INPP4B: variants seen among roughly 807,000 people sequenced by gnomAD.
INPP4B encodes the protein inositol polyphosphate 4-phosphatase type II.
A neutral mutation model predicts 122.5 loss-of-function variants in INPP4B; 55 were observed. That is an observed-to-expected ratio of 0.45 (90% CI 0.36 to 0.56). The LOEUF is 0.56. Ranked by LOEUF, INPP4B falls within the 20% of genes least tolerant of loss-of-function variation. The probability of loss-of-function intolerance (pLI) is 0.00; values close to 1 mark genes in which losing one functional copy is unlikely to be tolerated. For missense variants in INPP4B, 1,000 were observed against 1,097.7 expected, an observed-to-expected ratio of 0.91 and a Z score of 1.26; for synonymous variants, 403 against 388.7, an observed-to-expected ratio of 1.04 and a Z score of -0.43.
At chr4:142,033,648 C>G (rs933627906) in intron 25 of INPP4B, among the ~76,000 whole-genome samples, 41 of 149,260 alleles carry the variant, frequency 2.7e-4, no homozygotes, top group African/African-American at 1.0e-3. Flanking sequence ...TTTTTATCTC[C>G]TAAGTAAGTT....
chr4:142,829,523 G>T (rs1045593338), intron 1 of INPP4B, among the ~76,000 whole-genome samples: 3 of 152,028 alleles, frequency 2.0e-5, no homozygotes, highest in Non-Finnish European at 4.4e-5. Flanking sequence ...TTGTGTTGAT[G>T]CTATTCCTGA....
intron 21 of INPP4B, among the ~76,000 whole-genome samples, chr4:142,119,796 TACACACAC>T (rs34897089): frequency 2.2e-4 from 32 of 148,522 alleles, no homozygotes; most frequent in Non-Finnish European, 2.5e-4. Context: ...AAAGTATATA[TACACACAC>T]ACACACACAC....
chr4:142,109,266 T>C (rs1238190970), intron 22 of INPP4B, among the ~76,000 whole-genome samples: 1 of 152,180 alleles, frequency 6.6e-6, no homozygotes, highest in Non-Finnish European at 1.5e-5. Context: ...TCCAGTTTAC[T>C]TTCTGGACCC....
intron 2 of INPP4B, among the ~76,000 whole-genome samples, chr4:142,591,610 AG>A (rs1313685737): frequency 6.6e-6 from 1 of 152,128 alleles, no homozygotes; most frequent in Non-Finnish European, 1.5e-5. Context: ...CCTTCCAAAA[AG>A]CACTATGGCA....
intron 25 of INPP4B, among the ~76,000 whole-genome samples, chr4:142,079,096 TTTA>T (rs1372858739): frequency 1.3e-5 from 2 of 152,040 alleles, no homozygotes; most frequent in Non-Finnish European, 2.9e-5. Context: ...GACATGTTGT[TTTA>T]TTATAAAATT....
chr4:142,671,058 A>T (rs981676939), intron 2 of INPP4B, among the ~76,000 whole-genome samples: 6 of 152,142 alleles, frequency 3.9e-5, no homozygotes, highest in African/African-American at 1.4e-4. Context: ...CTAGCTCTTA[A>T]ATTTTGCCCA....
chr4:142,355,500 C>G (rs1783296987), intron 7 of INPP4B, among the ~76,000 whole-genome samples: 1 of 151,966 alleles, frequency 6.6e-6, no homozygotes, highest in Non-Finnish European at 1.5e-5. Context: ...TATACAATTT[C>G]TACATCATAA....
chr4:142,040,036 TG>T (rs148634792), intron 25 of INPP4B, among the ~76,000 whole-genome samples: 1,836 of 151,500 alleles, frequency 0.012, 46 homozygotes, highest in African/African-American at 0.042. Flanking sequence ...CATTGCGGGT[TG>T]GGGGGGTAAT....
rs114935226 is a variant in INPP4B at position 142,613,096 on chromosome 4, C to G, written c.-191+112743G>C. Among the ~76,000 whole-genome samples the G allele has an allele frequency of 1.4e-4, 21 of 152,036 alleles. 1 individual carries two copies. Among genetic ancestry groups the G allele is most frequent in the African/African-American group, 4.6e-4 (19 of 41,384 alleles). ...GAGATCCGGCTGCTGCTTTGTACCA[C>G]GAGGGAGCAGACCCATGTTGAGAAC... On this transcript the variant is annotated intron_variant, in intron 2 of 25. Transcript: ENST00000262992.
At chr4:142,337,523 TAATA>T (rs1223238447) in intron 7 of INPP4B, among the ~76,000 whole-genome samples, 3 of 151,256 alleles carry the variant, frequency 2.0e-5, no homozygotes, top group Non-Finnish European at 2.9e-5. Context: ...TATTATTAAT[TAATA>T]ATTATCTGAT....
In INPP4B at chr4:142,270,514, C is replaced by A. The variant is rs148233913; in HGVS notation, c.615+149G>T. 9.4e-4 allele frequency: 598 copies of A among 635,818 alleles called. 3 individuals are homozygous for A. The African/African-American group carries it at 9.7e-3, about 10-fold the overall frequency. 39.4% of individuals were successfully genotyped at this position (635,818 alleles called of 1,614,324 possible). A position where few individuals can be genotyped will look rare whatever the true frequency, so the allele number is the denominator to read the frequency against. ...GCCCTTTGATTCAGAGGCTGAAACA[C>A]ACATATTGTATTCCAATTTCAGAGC... On this transcript the variant is annotated intron_variant, in intron 10 of 25. Transcript: ENST00000262992.
rs187015332 is a variant in INPP4B, at chr4:142,432,089, C to T, written c.-126-704G>A. Among the ~76,000 whole-genome samples, 21 of 152,128 alleles carry T rather than the reference C, an allele frequency of 1.4e-4. No individual in the cohort carries two copies. In the East Asian group the frequency reaches 3.7e-3, roughly 27 times the overall value. ...AGAAAGACTCTCCAAGAACTTAATA[C>T]CCTGTCATACAGACAGCCTCAAATA... On this transcript the variant is annotated intron_variant, in intron 3 of 25. Transcript: ENST00000262992.
chr4:142,029,653 G>A lies in INPP4B; in HGVS notation c.2643-739C>T, dbSNP rs148406256. 8 of 985,232 alleles carry A rather than the reference G, an allele frequency of 8.1e-6. No individual in the cohort carries two copies. In the African/African-American group the frequency reaches 1.2e-4, roughly 15 times the overall value. The allele number at this position is 985,232 out of a possible 1,614,324, so 61.0% of individuals were successfully genotyped here. On this transcript the variant is annotated intron_variant, in intron 25 of 25. Coordinates refer to ENST00000262992, the MANE Select transcript of INPP4B (RefSeq NM_001101669.3). Reference sequence around the variant, plus strand: ...ACTTGACAGAAAAGAGTTAATTGCAGCAAAGAAGTAAAACAGGTTAAAAAA... The same window carrying A: ...ACTTGACAGAAAAGAGTTAATTGCAACAAAGAAGTAAAACAGGTTAAAAAA...
intron 2 of INPP4B, among the ~76,000 whole-genome samples, chr4:142,633,285 A>G (rs530157811): frequency 1.3e-5 from 2 of 152,278 alleles, no homozygotes; most frequent in African/African-American, 4.8e-5. Context: ...AAAGTACTCA[A>G]TAACAATTTG....
chr4:142,229,908 C>T (rs1853416973), intron 12 of INPP4B, among the ~76,000 whole-genome samples: 1 of 152,208 alleles, frequency 6.6e-6, no homozygotes, highest in East Asian at 1.9e-4. Flanking sequence ...ATAGAGTCAT[C>T]CAAACTTTTT....
chr4:142,331,622 A>G (rs763991212), intron 7 of INPP4B, among the ~76,000 whole-genome samples: 4 of 152,328 alleles, frequency 2.6e-5, no homozygotes, highest in Non-Finnish European at 5.9e-5. Context: ...GAGAGGTAAC[A>G]AGCACTATCT....
intron 5 of INPP4B, among the ~76,000 whole-genome samples, chr4:142,407,426 C>G (rs1040341221): frequency 2.0e-5 from 3 of 152,050 alleles, no homozygotes; most frequent in African/African-American, 7.2e-5. Context: ...GGTTATTTCC[C>G]AGAAATGAGC....
Position 142,124,770 on chromosome 4 carries a change from G to C in INPP4B, c.1721-10C>G. On this transcript the variant is annotated splice_polypyrimidine_tract_variant and intron_variant, in intron 18 of 25. Coordinates refer to ENST00000262992, the MANE Select transcript of INPP4B (RefSeq NM_001101669.3). ...TGTTCATACCAGTCCTCTGGGGGAA[G>C]GGGGTGTAAGAACAGTGCAATAGAT... is the stretch of plus-strand genomic sequence containing the variant. The C allele has an allele frequency of 6.6e-7, 1 of 1,520,734 alleles. No individual in the cohort carries two copies. Among genetic ancestry groups the C allele is most frequent in the South Asian group, 1.3e-5 (1 of 77,804 alleles). 94.2% of individuals were successfully genotyped at this position (1,520,734 alleles called of 1,614,324 possible).
intron 7 of INPP4B, among the ~76,000 whole-genome samples, chr4:142,343,883 T>C (rs1017692630): frequency 3.9e-5 from 6 of 152,074 alleles, no homozygotes; most frequent in Non-Finnish European, 5.9e-5. Context: ...TGAAAGCACA[T>C]TGAAACCAGT....
Sources: allele counts gnomAD v4.1 joint callset (sites outside exome capture counted in the v4.1 genomes callset), GRCh38; gene constraint gnomAD v4.1.1; transcripts MANE v1.5; gene names NCBI Gene and HGNC (gene_info 2026-07-23, HGNC 2026-07-21).